The following DNAH8 variants were observed in gnomAD, a reference collection of about 807,000 sequenced individuals.
The protein encoded by DNAH8 is dynein axonemal heavy chain 8.
A neutral mutation model predicts 562.1 loss-of-function variants in DNAH8; 382 were observed. The observed-to-expected ratio is 0.68, with a 90% CI of 0.63 to 0.74. The LOEUF (loss-of-function observed/expected upper bound fraction) is 0.74, where lower values mean the gene tolerates loss of function less well. Ranked by LOEUF, DNAH8 falls within the 30% of genes least tolerant of loss-of-function variation. The pLI, the probability that DNAH8 is intolerant of heterozygous loss-of-function variation, is 0.00. For missense variants in DNAH8, 5,203 were observed against 5,620.4 expected, an observed-to-expected ratio of 0.93 and a Z score of 2.37; for synonymous variants, 1,881 against 1,919.4, an observed-to-expected ratio of 0.98 and a Z score of 0.52.
intron 45 of DNAH8, 31 bp from the exon 46 acceptor site, chr6:38,866,560 A>T (rs781729817): frequency 6.9e-7 from 1 of 1,449,904 alleles, no homozygotes. Context: ...TTGTTTTAGC[A>T]ATTAAAAATT....
Position 38,942,544 on chromosome 6 carries a change from C to T in DNAH8, c.12008-2923C>T, listed in dbSNP as rs539954145. Reference sequence around the variant, plus strand: ...CCCAGTGTCACACCCACCATGGAAGCAGGGGAATGGCTGGATGGGTGAGCC... The same window carrying T: ...CCCAGTGTCACACCCACCATGGAAGTAGGGGAATGGCTGGATGGGTGAGCC... On this transcript the variant is annotated intron_variant, in intron 79 of 92. Transcript: ENST00000327475. Among the ~76,000 whole-genome samples, 62 of 152,268 alleles carry T rather than the reference C, an allele frequency of 4.1e-4. 1 individual carries two copies. The highest frequency in any genetic ancestry group is 4.0e-3 in the Admixed American group (61 of 15,296).
chr6:38,918,616 T>C (rs1781478850), intron 70 of DNAH8, among the ~76,000 whole-genome samples: 1 of 152,184 alleles, frequency 6.6e-6, no homozygotes, highest in South Asian at 2.1e-4. Context: ...AATCAAGATG[T>C]TGCAGATTTC....
chr6:38,851,630 C>T lies in DNAH8; in HGVS notation c.5422C>T (p.Leu1808Phe). The T allele has an allele frequency of 6.2e-7, 1 of 1,611,952 alleles. No homozygotes were observed. Among genetic ancestry groups the T allele is most frequent in the Middle Eastern group, 1.7e-4 (1 of 6,050 alleles). ...ATTCTTCTTTGTATCTGATCCAGTT[C>T]TCCTGGAAATTCTTGGACAAGCCAG... is the stretch of plus-strand genomic sequence containing the variant. ...PRFFFVSDPV[L>F]LEILGQASDS... Residue 1808 changes from leucine (L) to phenylalanine (F), a missense_variant, in exon 39 of 93, where the codon CTC (leucine) becomes TTC (phenylalanine). Leu to Phe is a conservative substitution (Grantham distance 22). Around this residue, in one of 6 missense-constraint regions of DNAH8, gnomAD observed 2,176 missense variants for 2,365.1 expected, o/e 0.92. Transcript: ENST00000327475.
chr6:38,949,743 T>C (rs886189425), intron 81 of DNAH8, among the ~76,000 whole-genome samples, 173 bp downstream of exon 81: 3 of 152,252 alleles, frequency 2.0e-5, no homozygotes, highest in African/African-American at 7.2e-5. Context: ...TTCCAAATTA[T>C]GGTTTTGGAT....
chr6:38,899,616 T>C (rs1036275582), intron 61 of DNAH8, among the ~76,000 whole-genome samples, 160 bp from the exon 62 acceptor site: 4 of 152,262 alleles, frequency 2.6e-5, no homozygotes, highest in African/African-American at 7.2e-5. Context: ...AACAAATCAG[T>C]ATTAAACTTT....
At chr6:38,949,318 G>T (rs1351124438) in intron 80 of DNAH8, 134 bp from the exon 81 acceptor site, 2 of 682,444 alleles carry the variant, frequency 2.9e-6, no homozygotes, top group Non-Finnish European at 5.3e-6. Flanking sequence ...CTGAAGAAAG[G>T]TTTAAACTGT....
At chr6:38,772,071 C>T (rs1288024111) in intron 12 of DNAH8, among the ~76,000 whole-genome samples, 1 of 149,706 alleles carries the variant, frequency 6.7e-6, no homozygotes, top group Non-Finnish European at 1.5e-5. Context: ...CTCTTTCGCC[C>T]AGGCCAGAGT....
rs564076340 is a variant in DNAH8 at position 38,787,711 on chromosome 6, A to C, written c.2583+759A>C. Among the ~76,000 whole-genome samples, 565 of 149,658 alleles carry C rather than the reference A, an allele frequency of 3.8e-3. 8 individuals are homozygous for C. Among genetic ancestry groups the C allele is most frequent in the African/African-American group, 0.013 (547 of 41,300 alleles). ...ACTCCATCTCAAAAAAAAAAAAAAA[A>C]AAAAAAAGTGCCATCAAAGGTTGAT... On this transcript the variant is annotated intron_variant, in intron 18 of 92. Coordinates refer to ENST00000327475, the MANE Select transcript of DNAH8 (RefSeq NM_001206927.2).
chr6:38,781,484 C>A (rs1248948262), intron 16 of DNAH8, 111 bp downstream of exon 16: 1 of 1,284,242 alleles, frequency 7.8e-7, no homozygotes, highest in Admixed American at 2.6e-5. Context: ...CGAGCCAATT[C>A]TTTTACCAGG....
At position 38,987,313 on chromosome 6, in the gene DNAH8, C is replaced by A. The variant is rs539094158; in HGVS notation, c.13054-2699C>A. On this transcript the variant is annotated intron_variant, in intron 87 of 92. Coordinates refer to ENST00000327475, the MANE Select transcript of DNAH8 (RefSeq NM_001206927.2). The stretch of plus-strand genomic sequence containing the variant: ...CCCCTCTCCTGCCTTTCTTCCTCTT[C>A]TACTTCTTCCCTGTACCCTGACATT... 8.5e-5 allele frequency among the ~76,000 whole-genome samples: 13 copies of A among 152,320 alleles called. No individual in the cohort carries two copies. The South Asian group carries it at 2.5e-3, about 29-fold the overall frequency.
intron 4 of DNAH8, 31 bp downstream of exon 4, chr6:38,730,017 A>T (rs146727246): frequency 7.3e-5 from 77 of 1,049,960 alleles, no homozygotes; most frequent in Admixed American, 1.7e-4. Context: ...GTGTGCCAGT[A>T]ATTAGTTCAT....
intron 53 of DNAH8, 37 bp from the exon 54 acceptor site, chr6:38,882,873 A>G (rs749777617): frequency 1.4e-6 from 2 of 1,414,486 alleles, no homozygotes; most frequent in East Asian, 5.0e-5. Flanking sequence ...TTCACAGAAT[A>G]TGGTTCTATT....
At chr6:38,877,570 G>A (rs894210057) in intron 53 of DNAH8, among the ~76,000 whole-genome samples, 5 of 152,110 alleles carry the variant, frequency 3.3e-5, no homozygotes, top group African/African-American at 1.2e-4. Flanking sequence ...ATTTGCCCGA[G>A]CCTTTGTGGC....
At position 38,876,294 on chromosome 6, in the gene DNAH8, C is replaced by T. The variant is rs373543599; in HGVS notation, c.7858+466C>T. On this transcript the variant is annotated intron_variant, in intron 53 of 92. Coordinates refer to ENST00000327475, the MANE Select transcript of DNAH8 (RefSeq NM_001206927.2). Reference sequence around the variant, plus strand: ...AGCCCCCCAGCCTTCCATGTATGGCCGGGCCCAGCTCACTGCTCCTTAAAA... The same window carrying T: ...AGCCCCCCAGCCTTCCATGTATGGCTGGGCCCAGCTCACTGCTCCTTAAAA... Among the ~76,000 whole-genome samples the T allele has an allele frequency of 2.1e-4, 32 of 152,276 alleles. No homozygotes were observed. The South Asian group carries it at 3.5e-3, about 17-fold the overall frequency.
chr6:38,971,508 A>G (rs375635470), intron 82 of DNAH8, 84 bp from the exon 83 acceptor site: 1 of 811,246 alleles, frequency 1.2e-6, no homozygotes. Context: ...GAAGGAGGCT[A>G]TAATCATTCA....
intron 86 of DNAH8, among the ~76,000 whole-genome samples, chr6:38,983,188 A>T (rs1256704574): frequency 6.6e-6 from 1 of 152,218 alleles, no homozygotes; most frequent in Non-Finnish European, 1.5e-5. Context: ...TATAAAATGA[A>T]CATTGTTTCT....
chr6:38,950,175 AGTGTGTGTGTCTGCGTGTGTGTGTGT>A (rs1583437583), intron 81 of DNAH8, among the ~76,000 whole-genome samples: 1 of 131,440 alleles, frequency 7.6e-6, no homozygotes, highest in East Asian at 2.2e-4. Context: ...GAAAAAAATC[AGTGTGTGTGTCTGCGTGTGTGTGTGT>A]GTGTGTGTGT....
intron 36 of DNAH8, among the ~76,000 whole-genome samples, chr6:38,846,337 A>G (rs1446535354): frequency 6.6e-6 from 1 of 152,188 alleles, no homozygotes; most frequent in Non-Finnish European, 1.5e-5. Context: ...TATGATCTTG[A>G]GTGCAGCTTT....
chr6:38,877,993 T>G (rs188730140), intron 53 of DNAH8, among the ~76,000 whole-genome samples: 1 of 152,244 alleles, frequency 6.6e-6, no homozygotes, highest in Admixed American at 6.5e-5. Context: ...ATTGGCTGTC[T>G]CACCAAATGA....
Sources: gnomAD v4.1 joint callset for allele counts (sites outside exome capture counted in the v4.1 genomes callset) on GRCh38, gnomAD v4.1.1 for gene constraint, gnomAD v4.1.1 regional missense constraint, MANE v1.5 for transcripts, NCBI Gene and HGNC (gene_info 2026-07-23, HGNC 2026-07-21) for gene names.